Variants in RNF34 observed in about 807,000 individuals in gnomAD.
RNF34 encodes the protein E3 ubiquitin-protein ligase RNF34.
A neutral mutation model predicts 37.9 loss-of-function variants in RNF34; 12 were observed. The observed-to-expected ratio is 0.32, with a 90% CI of 0.20 to 0.51. The LOEUF (loss-of-function observed/expected upper bound fraction) is 0.51. Ranked by LOEUF, RNF34 falls within the 20% of genes least tolerant of loss-of-function variation. The pLI, the probability that RNF34 is intolerant of heterozygous loss-of-function variation, is 0.97. For missense variants in RNF34, 362 were observed against 472.7 expected, an observed-to-expected ratio of 0.77 and a Z score of 2.17; for synonymous variants, 155 against 177.2, an observed-to-expected ratio of 0.87 and a Z score of 1.00.
intron 1 of RNF34, among the ~76,000 whole-genome samples, chr12:121,403,132 C>T (rs557485368): frequency 6.6e-6 from 1 of 152,282 alleles, no homozygotes; most frequent in East Asian, 1.9e-4. Flanking sequence ...CGCGGTGGCT[C>T]ACGCCTGTAG....
At position 121,417,994 on chromosome 12, in the gene RNF34, C is replaced by T. The variant is rs138681520; in HGVS notation, c.633+83C>T. On this transcript the variant is annotated intron_variant, in intron 3 of 5. Transcript: ENST00000361234. The surrounding 1 kb of genome is among the most constrained non-coding windows in gnomAD (Gnocchi z 5.0). ...TGGTGGGGCCTTTAGTGCTTGATGACTTCTGATAAACTTCAAGTCATGTGC... is the reference window on the plus strand; with the variant it reads ...TGGTGGGGCCTTTAGTGCTTGATGATTTCTGATAAACTTCAAGTCATGTGC... 533 of 1,392,830 alleles carry T rather than the reference C, an allele frequency of 3.8e-4. 3 individuals are homozygous for T. Among genetic ancestry groups the T allele is most frequent in the Non-Finnish European group, 2.1e-5 (21 of 1,017,966 alleles). 86.3% of individuals were successfully genotyped at this position (1,392,830 alleles called of 1,614,324 possible).
intron 1 of RNF34, among the ~76,000 whole-genome samples, chr12:121,411,417 T>C (rs1373177410): frequency 6.6e-6 from 1 of 152,168 alleles, no homozygotes; most frequent in Non-Finnish European, 1.5e-5. Flanking sequence ...TTCTATTCCC[T>C]TTACCAGAGC....
At chr12:121,401,706 A>T (rs1870011919) in intron 1 of RNF34, among the ~76,000 whole-genome samples, 1 of 152,192 alleles carries the variant, frequency 6.6e-6, no homozygotes, top group Non-Finnish European at 1.5e-5. Flanking sequence ...CGAAGGAAAG[A>T]ATTAGAGACA....
intron 1 of RNF34, among the ~76,000 whole-genome samples, chr12:121,408,579 C>T (rs539448073): frequency 7.9e-5 from 12 of 152,232 alleles, no homozygotes; most frequent in African/African-American, 2.9e-4. Flanking sequence ...GATGCCTTTG[C>T]CCTGAGGAGG....
intron 3 of RNF34, among the ~76,000 whole-genome samples, chr12:121,419,259 G>A (rs1871874100): frequency 6.6e-6 from 1 of 152,164 alleles, no homozygotes; most frequent in African/African-American, 2.4e-5. Flanking sequence ...GTACGGCTTC[G>A]TAGCCGGCCA....
At chr12:121,400,833 G>A (rs1272689394) in intron 1 of RNF34, among the ~76,000 whole-genome samples, 2 of 152,190 alleles carry the variant, frequency 1.3e-5, no homozygotes, top group East Asian at 3.8e-4. Context: ...GTTCTCCAAG[G>A]TGGGAGTGAG....
chr12:121,423,322 G>A lies in RNF34; in HGVS notation c.929-64G>A, dbSNP rs1022839977. ...GCAGGTGGCTGCTCAGCTTCGGACT[G>A]GGAGGGTGGCTGGCTGACTGGCCAT... On this transcript the variant is annotated intron_variant, in intron 5 of 5. Transcript: ENST00000361234. This position sits in a 1 kb window ranked among gnomAD's most constrained non-coding sequence, Gnocchi z 4.3. 2.9e-6 allele frequency: 4 copies of A among 1,366,318 alleles called. No individual in the cohort carries two copies. The highest frequency in any genetic ancestry group is 4.0e-6 in the Non-Finnish European group (4 of 996,328). 84.6% of individuals were successfully genotyped at this position (1,366,318 alleles called of 1,614,324 possible). A position where few individuals can be genotyped will look rare whatever the true frequency, so the allele number is the denominator to read the frequency against.
chr12:121,416,071 T>A (rs1032446702), intron 1 of RNF34, 88 bp from the exon 2 acceptor site: 1 of 1,062,220 alleles, frequency 9.4e-7, no homozygotes, highest in Non-Finnish European at 1.4e-6. Flanking sequence ...GAGGGCAAAC[T>A]TACCTCTCCA....
At chr12:121,410,011 C>T (rs971297567) in intron 1 of RNF34, among the ~76,000 whole-genome samples, 6 of 151,794 alleles carry the variant, frequency 4.0e-5, no homozygotes, top group Admixed American at 2.6e-4. Context: ...CAAAATTAGC[C>T]GGGCATGGTG....
chr12:121,402,876 G>A (rs1201756347), intron 1 of RNF34: 78 of 1,169,120 alleles, frequency 6.7e-5, no homozygotes, highest in Non-Finnish European at 9.2e-5. Flanking sequence ...TTGTCTAAAA[G>A]TATTACATTT....
chr12:121,410,971 G>T (rs150250138), intron 1 of RNF34, among the ~76,000 whole-genome samples: 1 of 152,124 alleles, frequency 6.6e-6, no homozygotes, highest in Non-Finnish European at 1.5e-5. Context: ...GTCTCACTCC[G>T]TCACCCAGGC....
intron 1 of RNF34, among the ~76,000 whole-genome samples, chr12:121,414,964 C>T (rs1205927850): frequency 6.6e-6 from 1 of 152,166 alleles, no homozygotes; most frequent in Non-Finnish European, 1.5e-5. Context: ...GGCATGGTGG[C>T]GGATGCCTGT....
At chr12:121,416,074 C>T (rs1165526121) in intron 1 of RNF34, 85 bp from the exon 2 acceptor site, 1 of 1,085,440 alleles carries the variant, frequency 9.2e-7, no homozygotes, top group Non-Finnish European at 1.4e-6. Flanking sequence ...GGCAAACTTA[C>T]CTCTCCAGAA....
Position 121,420,791 on chromosome 12 carries a change from T to C in RNF34, c.928+13T>C. The C allele has an allele frequency of 6.3e-7, 1 of 1,591,430 alleles. No individual in the cohort carries two copies. The highest frequency in any genetic ancestry group is 8.6e-7 in the Non-Finnish European group (1 of 1,160,230). ...AACCAAAAGTCCTGTAGGTTTATCT[T>C]TTCATTTTTTCCCTGTAGTATTTTT... On this transcript the variant is annotated intron_variant, in intron 5 of 5. Coordinates refer to ENST00000361234, the MANE Select transcript of RNF34 (RefSeq NM_025126.4).
chr12:121,413,043 C>T (rs929174906), intron 1 of RNF34, among the ~76,000 whole-genome samples: 132 of 146,042 alleles, frequency 9.0e-4, no homozygotes, highest in Non-Finnish European at 1.3e-3. Context: ...TTCCTCTTTT[C>T]GAGGCAGAGT....
intron 1 of RNF34, among the ~76,000 whole-genome samples, chr12:121,401,371 AAAAG>A (rs1410011529): frequency 1.3e-5 from 2 of 150,872 alleles, no homozygotes; most frequent in African/African-American, 2.4e-5. Context: ...AAAAAAAAAA[AAAAG>A]GCAGGGACAA....
intron 1 of RNF34, among the ~76,000 whole-genome samples, chr12:121,410,396 G>A (rs1555281230): frequency 1.3e-5 from 2 of 152,048 alleles, no homozygotes; most frequent in African/African-American, 4.8e-5. Context: ...AATTAGCCGG[G>A]TGTGGTGGTG....
At chr12:121,401,782 A>G (rs1168183376) in intron 1 of RNF34, among the ~76,000 whole-genome samples, 2 of 152,218 alleles carry the variant, frequency 1.3e-5, no homozygotes, top group Non-Finnish European at 2.9e-5. Flanking sequence ...TTGAAGTGGA[A>G]GGTACTACTT....
At chr12:121,418,532 A>T (rs1310866535) in intron 3 of RNF34, 2 of 152,320 alleles carry the variant, frequency 1.3e-5, no homozygotes, top group African/African-American at 4.8e-5. Flanking sequence ...TTTCACGCTT[A>T]ATTTTCTTCT....
Sources: gnomAD v4.1 joint callset for allele counts (sites outside exome capture counted in the v4.1 genomes callset) on GRCh38, gnomAD v4.1.1 for gene constraint, Gnocchi (gnomAD v3.1) non-coding constraint, MANE v1.5 for transcripts, NCBI Gene and HGNC (gene_info 2026-07-23, HGNC 2026-07-21) for gene names.